The following ARHGEF10 variants were observed in gnomAD, a reference collection of about 807,000 sequenced individuals.
ARHGEF10 encodes Rho guanine nucleotide exchange factor 10.
In ARHGEF10, 140 loss-of-function variants were observed where a neutral mutation model predicts 147.4. The observed-to-expected ratio is 0.95, with a 90% CI of 0.83 to 1.09. The LOEUF (loss-of-function observed/expected upper bound fraction) is 1.09, where lower values mean the gene tolerates loss of function less well. Ranked by LOEUF, ARHGEF10 falls within the 50% of genes least tolerant of loss-of-function variation. The probability of loss-of-function intolerance (pLI) is 0.00; values close to 1 mark genes in which losing one functional copy is unlikely to be tolerated. For missense variants in ARHGEF10, 2,222 were observed against 1,752.7 expected (o/e 1.27, Z -4.78); for synonymous variants, 902 against 695.8 (o/e 1.30, Z -4.67).
chr8:1,914,343 C>T (rs1222104058), intron 18 of ARHGEF10, among the ~76,000 whole-genome samples: 1 of 152,238 alleles, frequency 6.6e-6, no homozygotes, highest in Admixed American at 6.5e-5. Flanking sequence ...CGCGTCCAGC[C>T]ACAGCCCTGA....
chr8:1,845,652 C>T (rs912043369), intron 2 of ARHGEF10, among the ~76,000 whole-genome samples: 2 of 152,220 alleles, frequency 1.3e-5, no homozygotes, highest in Non-Finnish European at 2.9e-5. Context: ...TTAAATTTAT[C>T]TCCAGCATTT....
At chr8:1,853,112 G>A (rs1458970329) in intron 2 of ARHGEF10, among the ~76,000 whole-genome samples, 2 of 152,210 alleles carry the variant, frequency 1.3e-5, no homozygotes, top group East Asian at 3.8e-4. Context: ...TGGGCTGGAT[G>A]CCTGTGGGTC....
intron 2 of ARHGEF10, among the ~76,000 whole-genome samples, chr8:1,845,454 G>A (rs1444667106): frequency 6.6e-6 from 1 of 152,194 alleles, no homozygotes. Flanking sequence ...TTAATATGGT[G>A]CCTTGACATG....
intron 4 of ARHGEF10, 72 bp downstream of exon 4, chr8:1,860,256 C>T: frequency 5.3e-6 from 8 of 1,513,230 alleles, no homozygotes; most frequent in Non-Finnish European, 5.4e-6. Context: ...CCGAAGTGGC[C>T]TGTGGTTCCC....
chr8:1,837,272 A>G (rs1357350878), intron 1 of ARHGEF10, among the ~76,000 whole-genome samples: 2 of 145,110 alleles, frequency 1.4e-5, no homozygotes. Context: ...GGTCGGGGGC[A>G]TGCTCTCTGC....
chr8:1,828,342 C>T (rs1325724689), intron 1 of ARHGEF10, among the ~76,000 whole-genome samples: 2 of 152,356 alleles, frequency 1.3e-5, no homozygotes, highest in Middle Eastern at 3.4e-3. Flanking sequence ...CCCTTAAAAC[C>T]GTGGCATGCA....
intron 6 of ARHGEF10, among the ~76,000 whole-genome samples, chr8:1,868,976 T>C (rs1315578307): frequency 6.6e-6 from 1 of 152,146 alleles, no homozygotes; most frequent in Non-Finnish European, 1.5e-5. Flanking sequence ...CTAAAAATAA[T>C]GCTTATGCTT....
At position 1,945,706 on chromosome 8, in the gene ARHGEF10, G is replaced by A. The variant is rs770095479; in HGVS notation, c.3397+51G>A. On this transcript the variant is annotated intron_variant, in intron 27 of 28. Transcript: ENST00000349830. ...GATGGGACAGCAACCGGGGACGGAC[G>A]TGGGGGGTGCGGAGCGCTGTCAGCC... The A allele has an allele frequency of 6.2e-6, 10 of 1,610,466 alleles. No individual in the cohort carries two copies. The East Asian group carries it at 6.7e-5, about 11-fold the overall frequency.
chr8:1,924,329 G>A (rs7386814), intron 21 of ARHGEF10, among the ~76,000 whole-genome samples: 138,647 of 152,232 alleles, frequency 0.91, 63,181 homozygotes, highest in East Asian at 1. Context: ...GATCAACCCT[G>A]TGGTTTTACT....
intron 12 of ARHGEF10, 41 bp downstream of exon 12, chr8:1,893,687 A>G (rs1223015284): frequency 5.7e-6 from 8 of 1,391,504 alleles, no homozygotes; most frequent in South Asian, 1.2e-5. Context: ...CATTTCTATT[A>G]TTCTTTTTTA....
chr8:1,870,508 A>G (rs946488464), intron 7 of ARHGEF10: 28 of 152,238 alleles, frequency 1.8e-4, no homozygotes, highest in African/African-American at 6.5e-4. Context: ...AAAGCTAGCC[A>G]TAAATTCTTG....
chr8:1,867,560 C>CAG (rs1473673294), intron 6 of ARHGEF10, among the ~76,000 whole-genome samples: 1 of 152,204 alleles, frequency 6.6e-6, no homozygotes, highest in Non-Finnish European at 1.5e-5. Flanking sequence ...CACGCGGCTC[C>CAG]AGCTTCCGTA....
chr8:1,916,914 G>A (rs1298881482), intron 18 of ARHGEF10, among the ~76,000 whole-genome samples: 1 of 152,136 alleles, frequency 6.6e-6, no homozygotes, highest in Non-Finnish European at 1.5e-5. Flanking sequence ...ACCATTGTCC[G>A]TATACCACAG....
At chr8:1,838,631 T>C (rs565067473) in intron 1 of ARHGEF10, among the ~76,000 whole-genome samples, 4 of 152,384 alleles carry the variant, frequency 2.6e-5, no homozygotes, top group African/African-American at 9.6e-5. Context: ...AAGGGTCATT[T>C]TGGGTTTTGT....
chr8:1,916,622 G>T (rs1274623538), intron 18 of ARHGEF10, among the ~76,000 whole-genome samples: 1 of 152,126 alleles, frequency 6.6e-6, no homozygotes, highest in African/African-American at 2.4e-5. Flanking sequence ...GATTTATTTT[G>T]CCTGAATATA....
At chr8:1,875,281 G>A (rs28455123) in intron 7 of ARHGEF10, among the ~76,000 whole-genome samples, 18,373 of 151,058 alleles carry the variant, frequency 0.12, 1,392 homozygotes, top group South Asian at 0.29. Context: ...TCTAAGACAG[G>A]CTGGAGGAAC....
intron 28 of ARHGEF10, among the ~76,000 whole-genome samples, chr8:1,954,349 C>A (rs542471510): frequency 5.3e-5 from 8 of 152,246 alleles, no homozygotes; most frequent in Non-Finnish European, 1.0e-4. Flanking sequence ...CTGCCTTGGC[C>A]TCAGATGCTC....
intron 4 of ARHGEF10, among the ~76,000 whole-genome samples, chr8:1,861,826 G>A (rs1019358942): frequency 2.6e-5 from 4 of 152,212 alleles, no homozygotes; most frequent in South Asian, 2.1e-4. Flanking sequence ...AAATGAGGGC[G>A]TGCAGAGTGT....
chr8:1,944,337 G>A (rs978431139), intron 26 of ARHGEF10, among the ~76,000 whole-genome samples: 1 of 152,218 alleles, frequency 6.6e-6, no homozygotes, highest in East Asian at 1.9e-4. Flanking sequence ...CAGCGCCCCT[G>A]TGTAGGCTGG....
Sources: gnomAD v4.1 joint callset for allele counts (sites outside exome capture counted in the v4.1 genomes callset) on GRCh38, gnomAD v4.1.1 for gene constraint, MANE v1.5 for transcripts, NCBI Gene and HGNC (gene_info 2026-07-23, HGNC 2026-07-21) for gene names.